PITPNC1: variants seen among roughly 807,000 people sequenced by gnomAD.
The protein encoded by PITPNC1 is phosphatidylinositol transfer protein cytoplasmic 1, also known as cytoplasmic phosphatidylinositol transfer protein 1.
PITPNC1 carries 18 observed loss-of-function variants against 44.7 expected under a neutral mutation model. The ratio of observed to expected loss-of-function variants is 0.40; its 90% CI spans 0.28 to 0.60. PITPNC1 has a LOEUF of 0.60. Ranked by LOEUF, PITPNC1 falls within the 20% of genes least tolerant of loss-of-function variation. The pLI is 0.39. For missense variants in PITPNC1, 290 were observed against 418.4 expected, an observed-to-expected ratio of 0.69 and a Z score of 2.68; for synonymous variants, 141 against 149.6, an observed-to-expected ratio of 0.94 and a Z score of 0.42.
At chr17:67,628,233 A>G (rs1209485997) in intron 5 of PITPNC1, among the ~76,000 whole-genome samples, 1 of 151,940 alleles carries the variant, frequency 6.6e-6, no homozygotes, top group Non-Finnish European at 1.5e-5. Flanking sequence ...CTTTTGCAGC[A>G]CATACTCCAT....
At chr17:67,470,943 C>A (rs1281674626) in intron 1 of PITPNC1, among the ~76,000 whole-genome samples, 6 of 127,260 alleles carry the variant, frequency 4.7e-5, no homozygotes, top group African/African-American at 1.8e-4. Flanking sequence ...TGTGTCCACT[C>A]AGGGTTAAAT....
chr17:67,477,945 T>A (rs556551914), intron 1 of PITPNC1, among the ~76,000 whole-genome samples: 1 of 152,294 alleles, frequency 6.6e-6, no homozygotes, highest in African/African-American at 2.4e-5. Flanking sequence ...GGGCTGCCTC[T>A]GGGTCCTTCC....
chr17:67,572,474 G>GA (rs1175151463), intron 4 of PITPNC1, among the ~76,000 whole-genome samples: 3 of 116,484 alleles, frequency 2.6e-5, no homozygotes, highest in African/African-American at 6.3e-5. Context: ...AAAGCGGGGG[G>GA]GGGGGGTAAA....
In PITPNC1 at chr17:67,541,621, A is replaced by C. The variant is rs540549446; in HGVS notation, c.197+8671A>C. On this transcript the variant is annotated intron_variant, in intron 2 of 8. Coordinates refer to ENST00000581322, the MANE Select transcript of PITPNC1 (RefSeq NM_012417.4). ...TGCCCAATTTTCCACTAGTCAGAAC[A>C]TACTTGGAATATTTTTATCTGTTCC... Among the ~76,000 whole-genome samples, 9 of 152,360 alleles carry C rather than the reference A, an allele frequency of 5.9e-5. No individual in the cohort carries two copies. The East Asian group carries it at 1.7e-3, about 29-fold the overall frequency.
Position 67,697,153 on chromosome 17 carries a change from T to C in PITPNC1, c.*4265T>C, listed in dbSNP as rs1474372840. The C allele has an allele frequency of 6.6e-6, 1 of 150,600 alleles. No individual in the cohort carries two copies. Among genetic ancestry groups the C allele is most frequent in the Non-Finnish European group, 1.5e-5 (1 of 67,832 alleles). The allele number at this position is 150,600 out of a possible 1,614,324, so 9.3% of individuals were successfully genotyped here. A position where few individuals can be genotyped will look rare whatever the true frequency, so the allele number is the denominator to read the frequency against. ...GATCCTTACATATGCCATCCTTCTG[T>C]GTCATTTTGTGGCTGTTCTGTGTTT... On this transcript the variant is annotated 3_prime_UTR_variant, in exon 9 of 9. Coordinates refer to ENST00000581322, the MANE Select transcript of PITPNC1 (RefSeq NM_012417.4).
chr17:67,608,436 T>C (rs1384587092), intron 5 of PITPNC1, among the ~76,000 whole-genome samples: 1 of 151,722 alleles, frequency 6.6e-6, no homozygotes, highest in African/African-American at 2.4e-5. Context: ...GCTCACACAT[T>C]GCATTTAATT....
chr17:67,585,847 G>A lies in PITPNC1; in HGVS notation c.366+7590G>A, dbSNP rs1342019052. Among the ~76,000 whole-genome samples the A allele has an allele frequency of 3.3e-5, 5 of 152,180 alleles. No individual in the cohort carries two copies. In the East Asian group the frequency reaches 7.7e-4, roughly 23 times the overall value. On this transcript the variant is annotated intron_variant, in intron 5 of 8. Coordinates refer to ENST00000581322, the MANE Select transcript of PITPNC1 (RefSeq NM_012417.4). ...CTCTTTGGGTGCAACACGTGAAGAC[G>A]TAGGGAGAAGGCAGCCATCCGCAAG...
At position 67,597,263 on chromosome 17, in the gene PITPNC1, T is replaced by C. The variant is rs551160006; in HGVS notation, c.366+19006T>C. The stretch of plus-strand genomic sequence containing the variant: ...ATAGATGTTCAGTAAATATCAATTA[T>C]CTTCCTCAGGCTGAGCATGGTGGCT... On this transcript the variant is annotated intron_variant, in intron 5 of 8. Transcript: ENST00000581322. The surrounding 1 kb of genome is among the most constrained non-coding windows in gnomAD (Gnocchi z 4.0). 7.4e-4 allele frequency among the ~76,000 whole-genome samples: 113 copies of C among 152,230 alleles called. No homozygotes were observed. The highest frequency in any genetic ancestry group is 3.4e-3 in the Middle Eastern group (1 of 294).
At chr17:67,399,330 G>A (rs2143817524) in intron 1 of PITPNC1, among the ~76,000 whole-genome samples, 1 of 152,180 alleles carries the variant, frequency 6.6e-6, no homozygotes, top group Admixed American at 6.6e-5. Context: ...AACTTTGATG[G>A]TTGTTCTCAG....
intron 4 of PITPNC1, among the ~76,000 whole-genome samples, chr17:67,556,539 G>A (rs1033460463): frequency 3.3e-5 from 5 of 152,132 alleles, no homozygotes; most frequent in Non-Finnish European, 7.4e-5. Context: ...AATCAGTTAT[G>A]AGAACAGGGC....
At chr17:67,475,399 T>A (rs1484596900) in intron 1 of PITPNC1, among the ~76,000 whole-genome samples, 1 of 152,156 alleles carries the variant, frequency 6.6e-6, no homozygotes, top group Non-Finnish European at 1.5e-5. Flanking sequence ...CCCGGGGTGT[T>A]TGGGACTCTT....
rs1287852517 is a variant in PITPNC1 at position 67,672,106 on chromosome 17, G to GT, written c.618+2444dup. Among the ~76,000 whole-genome samples, 33 of 151,828 alleles carry GT rather than the reference G, an allele frequency of 2.2e-4. No homozygotes were observed. In the East Asian group the frequency reaches 6.3e-3, roughly 29 times the overall value. The stretch of plus-strand genomic sequence containing the variant: ...ATGCCACCACACCAGGCTAACTTTT[G>GT]TATTATTAGTAGAGACGGGGTTTCA... On this transcript the variant is annotated intron_variant, in intron 7 of 8. Transcript: ENST00000581322.
At chr17:67,670,027 C>T (rs997682067) in intron 7 of PITPNC1, among the ~76,000 whole-genome samples, 2 of 151,538 alleles carry the variant, frequency 1.3e-5, no homozygotes, top group South Asian at 2.1e-4. Flanking sequence ...GAACCAAGAT[C>T]GTATTATTGC....
intron 1 of PITPNC1, among the ~76,000 whole-genome samples, chr17:67,388,827 C>A (rs1188074372): frequency 6.6e-6 from 1 of 152,212 alleles, no homozygotes; most frequent in Non-Finnish European, 1.5e-5. Flanking sequence ...ACCATGTAGG[C>A]CAGGCTGGTC....
chr17:67,527,427 G>A (rs1459959048), intron 1 of PITPNC1, among the ~76,000 whole-genome samples: 1 of 152,202 alleles, frequency 6.6e-6, no homozygotes, highest in East Asian at 1.9e-4. Flanking sequence ...ATAGGCGGCC[G>A]GGTGTAATGG....
chr17:67,414,505 T>G (rs1395568106), intron 1 of PITPNC1, among the ~76,000 whole-genome samples: 1 of 151,920 alleles, frequency 6.6e-6, no homozygotes, highest in East Asian at 1.9e-4. Flanking sequence ...TATGTAAAAT[T>G]CTAAAGGTCT....
At chr17:67,513,550 T>G (rs1045154283) in intron 1 of PITPNC1, among the ~76,000 whole-genome samples, 4 of 149,728 alleles carry the variant, frequency 2.7e-5, no homozygotes, top group South Asian at 2.1e-4. Context: ...CACAGAAGAA[T>G]TATCACAAAG....
chr17:67,497,204 A>C (rs1421450386), intron 1 of PITPNC1, among the ~76,000 whole-genome samples: 1 of 151,666 alleles, frequency 6.6e-6, no homozygotes, highest in Non-Finnish European at 1.5e-5. Context: ...GTCACACAAG[A>C]CATATTATTA....
intron 1 of PITPNC1, among the ~76,000 whole-genome samples, chr17:67,423,009 T>C (rs1055806060): frequency 2.0e-5 from 3 of 151,712 alleles, no homozygotes; most frequent in African/African-American, 7.3e-5. Flanking sequence ...TTTTTTAACA[T>C]GAGGAAGAGT....
Sources: gnomAD v4.1 joint callset for allele counts (sites outside exome capture counted in the v4.1 genomes callset) on GRCh38, gnomAD v4.1.1 for gene constraint, Gnocchi (gnomAD v3.1) non-coding constraint, MANE v1.5 for transcripts, NCBI Gene and HGNC (gene_info 2026-07-23, HGNC 2026-07-21) for gene names.